AGBL4: variants seen among roughly 807,000 people sequenced by gnomAD.
The protein encoded by AGBL4 is AGBL carboxypeptidase 4, also known as cytosolic carboxypeptidase 6.
AGBL4 carries 58 observed loss-of-function variants against 66.4 expected under a neutral mutation model. The observed-to-expected ratio is 0.87, with a 90% CI of 0.71 to 1.09. AGBL4 has a LOEUF of 1.09. AGBL4 is among the 50% of genes least tolerant of loss of function. The pLI is 0.00. For missense variants in AGBL4, 579 were observed against 631.0 expected (o/e 0.92, Z 0.88); for synonymous variants, 234 against 222.9 (o/e 1.05, Z -0.44).
At chr1:49,171,161 T>C (rs1373635723) in intron 4 of AGBL4, among the ~76,000 whole-genome samples, 1 of 152,242 alleles carries the variant, frequency 6.6e-6, no homozygotes, top group Non-Finnish European at 1.5e-5. Context: ...TGTAAGAATC[T>C]ACCATACATA....
At chr1:49,071,931 T>A (rs181942309) in intron 4 of AGBL4, among the ~76,000 whole-genome samples, 1 of 152,166 alleles carries the variant, frequency 6.6e-6, no homozygotes, top group African/African-American at 2.4e-5. Flanking sequence ...GGTGGTCCTG[T>A]ATTGGGTGCA....
intron 7 of AGBL4, among the ~76,000 whole-genome samples, chr1:48,657,892 A>C (rs1176677843): frequency 6.6e-6 from 1 of 152,202 alleles, no homozygotes; most frequent in Admixed American, 6.5e-5. Flanking sequence ...TTAAACTTAC[A>C]TTGTGGTTTA....
At chr1:48,885,551 A>G (rs918775647) in intron 5 of AGBL4, among the ~76,000 whole-genome samples, 12 of 152,340 alleles carry the variant, frequency 7.9e-5, no homozygotes, top group African/African-American at 2.9e-4. Context: ...GGCTCTGTGC[A>G]AAATGAAAAT....
At chr1:48,822,362 T>G (rs140291116) in intron 6 of AGBL4, among the ~76,000 whole-genome samples, 718 of 152,342 alleles carry the variant, frequency 4.7e-3, no homozygotes, top group Middle Eastern at 0.01. Flanking sequence ...AATAAACTAT[T>G]GATACATGCA....
At chr1:49,821,867 T>C (rs1306710897) in intron 2 of AGBL4, among the ~76,000 whole-genome samples, 1 of 152,190 alleles carries the variant, frequency 6.6e-6, no homozygotes, top group South Asian at 2.1e-4. Flanking sequence ...ATAGAATACA[T>C]AAATGTGGGT....
intron 4 of AGBL4, among the ~76,000 whole-genome samples, chr1:49,074,268 G>A (rs1044049075): frequency 7.9e-5 from 12 of 152,218 alleles, no homozygotes; most frequent in Admixed American, 3.9e-4. Flanking sequence ...ATCTGGGCAT[G>A]AGTGTACCAT....
chr1:49,081,379 T>C (rs914276175), intron 4 of AGBL4, among the ~76,000 whole-genome samples: 1 of 152,222 alleles, frequency 6.6e-6, no homozygotes, highest in Non-Finnish European at 1.5e-5. Flanking sequence ...TGAGCCTCAG[T>C]TTCTTTGTCT....
chr1:49,978,773 C>T lies in AGBL4; in HGVS notation c.34+44990G>A, dbSNP rs1658799205. Reference sequence around the variant, plus strand: ...GGGTAAAGGAATAGAAGAATATATACCAAAATATTAACAGTGGTTATACTA... The same window carrying T: ...GGGTAAAGGAATAGAAGAATATATATCAAAATATTAACAGTGGTTATACTA... On this transcript the variant is annotated intron_variant, in intron 1 of 13. Coordinates refer to ENST00000371839, the MANE Select transcript of AGBL4 (RefSeq NM_032785.4). 3.3e-5 allele frequency among the ~76,000 whole-genome samples: 5 copies of T among 152,166 alleles called. No individual in the cohort carries two copies. The South Asian group carries it at 1.0e-3, about 32-fold the overall frequency.
At chr1:48,776,549 T>G in intron 6 of AGBL4, 7 of 702,064 alleles carry the variant, frequency 1.0e-5, no homozygotes, top group African/African-American at 2.0e-5. Flanking sequence ...CCCCGGCCCC[T>G]CCCGGGGTCC....
At chr1:49,598,032 G>T (rs1212983601) in intron 3 of AGBL4, among the ~76,000 whole-genome samples, 2 of 152,064 alleles carry the variant, frequency 1.3e-5, no homozygotes, top group African/African-American at 4.8e-5. Context: ...TGATTGCCCT[G>T]GCCAGAACTT....
chr1:49,465,085 C>A (rs973794152), intron 3 of AGBL4, among the ~76,000 whole-genome samples: 1 of 151,668 alleles, frequency 6.6e-6, no homozygotes, highest in African/African-American at 2.4e-5. Flanking sequence ...AGTAGAATGT[C>A]AGGCCCTGGG....
intron 6 of AGBL4, among the ~76,000 whole-genome samples, chr1:48,777,418 A>C (rs1257548728): frequency 2.0e-5 from 3 of 151,562 alleles, no homozygotes; most frequent in Non-Finnish European, 4.4e-5. Flanking sequence ...TAGCCACCCT[A>C]CCCGCGCCCC....
chr1:49,909,871 G>C (rs920720722), intron 1 of AGBL4, among the ~76,000 whole-genome samples: 3 of 152,112 alleles, frequency 2.0e-5, no homozygotes, highest in African/African-American at 7.2e-5. Flanking sequence ...AGAGCATGAA[G>C]AATTGAGCTT....
intron 3 of AGBL4, among the ~76,000 whole-genome samples, chr1:49,654,403 G>C (rs1226779583): frequency 6.6e-6 from 1 of 152,164 alleles, no homozygotes; most frequent in Non-Finnish European, 1.5e-5. Context: ...ATATTCTGTT[G>C]ATTTGGGGTG....
At chr1:48,800,110 T>G (rs1378949519) in intron 6 of AGBL4, among the ~76,000 whole-genome samples, 1 of 152,224 alleles carries the variant, frequency 6.6e-6, no homozygotes, top group Admixed American at 6.5e-5. Flanking sequence ...AGAAATCAGC[T>G]GTGAATCCAT....
intron 2 of AGBL4, among the ~76,000 whole-genome samples, chr1:49,711,114 G>C (rs1336511885): frequency 1.3e-5 from 2 of 152,222 alleles, no homozygotes; most frequent in East Asian, 3.9e-4. Flanking sequence ...TAACAAGGAT[G>C]TGAAGCAACT....
intron 2 of AGBL4, among the ~76,000 whole-genome samples, chr1:49,742,021 G>A (rs1305155667): frequency 2.6e-5 from 4 of 152,090 alleles, no homozygotes; most frequent in South Asian, 2.1e-4. Flanking sequence ...CGCCACTCCT[G>A]TTCAACATAG....
At chr1:49,668,629 G>T (rs762794801) in intron 3 of AGBL4, among the ~76,000 whole-genome samples, 1 of 152,112 alleles carries the variant, frequency 6.6e-6, no homozygotes, top group Non-Finnish European at 1.5e-5. Flanking sequence ...AATTGCATCA[G>T]CAATTGTCAA....
intron 1 of AGBL4, among the ~76,000 whole-genome samples, chr1:50,012,504 A>T (rs759421875): frequency 1.6e-4 from 24 of 152,074 alleles, no homozygotes; most frequent in Non-Finnish European, 3.2e-4. Context: ...TTTAATTTTT[A>T]ATAAATAAAT....
Sources: gnomAD v4.1 joint callset for allele counts (sites outside exome capture counted in the v4.1 genomes callset) on GRCh38, gnomAD v4.1.1 for gene constraint, MANE v1.5 for transcripts, NCBI Gene and HGNC (gene_info 2026-07-23, HGNC 2026-07-21) for gene names.